Variants in ZFHX3 observed in about 807,000 individuals in gnomAD.
ZFHX3 encodes the protein zinc finger homeobox protein 3.
A neutral mutation model predicts 279.1 loss-of-function variants in ZFHX3; 42 were observed. The ratio of observed to expected loss-of-function variants is 0.15; its 90% CI spans 0.12 to 0.19. The LOEUF is 0.19. ZFHX3 is among the 10% of genes least tolerant of loss of function. The pLI is 1.00. For synonymous variants in ZFHX3, 2,293 were observed against 1,957.8 expected (o/e 1.17, Z -4.52); for missense variants, 4,981 against 4,754.0 (o/e 1.05, Z -1.40).
intron 4 of ZFHX3, among the ~76,000 whole-genome samples, chr16:72,839,635 C>A (rs1469654489): frequency 6.6e-6 from 1 of 151,714 alleles, no homozygotes; most frequent in Non-Finnish European, 1.5e-5. Context: ...GCCCCACCCC[C>A]CCCAAAAAAA....
intron 2 of ZFHX3, among the ~76,000 whole-genome samples, chr16:73,533,044 G>A (rs184550532): frequency 2.6e-5 from 4 of 152,256 alleles, no homozygotes; most frequent in Non-Finnish European, 4.4e-5. Context: ...TCATAACAGC[G>A]TGAAAATGGA....
At chr16:73,621,467 TG>T in intron 2 of ZFHX3, among the ~76,000 whole-genome samples, 1 of 152,258 alleles carries the variant, frequency 6.6e-6, no homozygotes, top group South Asian at 2.1e-4. Context: ...TAGCAGAGGA[TG>T]GATTTAGGTC....
chr16:73,739,251 T>C (rs562048816), intron 1 of ZFHX3, among the ~76,000 whole-genome samples: 7 of 152,338 alleles, frequency 4.6e-5, no homozygotes, highest in African/African-American at 2.4e-5. Flanking sequence ...TAATTTTCTG[T>C]CTGGACTGTT....
intron 4 of ZFHX3, among the ~76,000 whole-genome samples, chr16:73,267,543 G>C (rs2014011435): frequency 6.6e-6 from 1 of 152,126 alleles, no homozygotes; most frequent in Admixed American, 6.5e-5. Flanking sequence ...TTATACAAAA[G>C]GGACGAGCCT....
At chr16:72,863,882 C>T (rs548384313) in intron 4 of ZFHX3, among the ~76,000 whole-genome samples, 16 of 152,110 alleles carry the variant, frequency 1.1e-4, no homozygotes, top group African/African-American at 2.7e-4. Context: ...TTTGGGAGGC[C>T]GAGGTGGGTG....
intron 2 of ZFHX3, among the ~76,000 whole-genome samples, chr16:73,634,089 T>C (rs1353036078): frequency 1.3e-5 from 2 of 152,112 alleles, no homozygotes; most frequent in African/African-American, 4.8e-5. Flanking sequence ...ACAAAATATA[T>C]TATCAAAGCA....
intron 3 of ZFHX3, among the ~76,000 whole-genome samples, chr16:73,448,444 T>C (rs751793884): frequency 7.2e-5 from 11 of 152,100 alleles, no homozygotes; most frequent in Non-Finnish European, 4.4e-5. Context: ...AATGTCATTA[T>C]AGAACTAATA....
At chr16:73,688,874 C>T (rs2053118730) in intron 1 of ZFHX3, among the ~76,000 whole-genome samples, 1 of 152,124 alleles carries the variant, frequency 6.6e-6, no homozygotes. Flanking sequence ...AGCTTCCCTG[C>T]ACCATTTCTC....
intron 4 of ZFHX3, among the ~76,000 whole-genome samples, chr16:73,272,360 C>T (rs142818110): frequency 6.6e-6 from 1 of 152,158 alleles, no homozygotes; most frequent in East Asian, 1.9e-4. Context: ...AAATCTGAGA[C>T]CTGTTAGTCT....
intron 1 of ZFHX3, among the ~76,000 whole-genome samples, chr16:73,759,799 AG>A (rs2053844730): frequency 6.6e-6 from 1 of 152,130 alleles, no homozygotes; most frequent in South Asian, 2.1e-4. Flanking sequence ...AGAATATCAA[AG>A]GGAGAACGAG....
intron 1 of ZFHX3, among the ~76,000 whole-genome samples, chr16:73,850,394 T>A (rs1961564998): frequency 6.6e-6 from 1 of 152,168 alleles, no homozygotes; most frequent in Non-Finnish European, 1.5e-5. Context: ...GCTTGCTGGA[T>A]TTTGGTGGGA....
At chr16:73,122,627 TC>T (rs1567393795) in intron 7 of ZFHX3, among the ~76,000 whole-genome samples, 1 of 152,130 alleles carries the variant, frequency 6.6e-6, no homozygotes, top group Non-Finnish European at 1.5e-5. Flanking sequence ...ATCAGGGGAT[TC>T]CCTGTAGACA....
At chr16:73,581,794 C>T (rs2051864669) in intron 2 of ZFHX3, among the ~76,000 whole-genome samples, 1 of 151,016 alleles carries the variant, frequency 6.6e-6, no homozygotes, top group East Asian at 2.0e-4. Context: ...TCTCAGCCTC[C>T]CAAGTAGCTG....
At chr16:73,348,643 G>A (rs1399010143) in intron 3 of ZFHX3, among the ~76,000 whole-genome samples, 1 of 152,202 alleles carries the variant, frequency 6.6e-6, no homozygotes, top group Non-Finnish European at 1.5e-5. Context: ...TCTGCACACG[G>A]TGCAATTAGC....
chr16:73,461,644 C>T (rs901102083), intron 2 of ZFHX3, among the ~76,000 whole-genome samples: 6 of 152,212 alleles, frequency 3.9e-5, no homozygotes, highest in Non-Finnish European at 8.8e-5. Context: ...GAAAGGCTAG[C>T]TTTCCTCCAC....
chr16:73,868,487 G>A (rs578107533), intron 1 of ZFHX3, among the ~76,000 whole-genome samples: 59 of 152,362 alleles, frequency 3.9e-4, no homozygotes, highest in African/African-American at 1.3e-3. Flanking sequence ...TCACGCCACT[G>A]CACTCCAGCC....
At chr16:73,428,614 G>T (rs1013717524) in intron 3 of ZFHX3, among the ~76,000 whole-genome samples, 1 of 152,070 alleles carries the variant, frequency 6.6e-6, no homozygotes, top group Admixed American at 6.6e-5. Flanking sequence ...CAAATGCAGG[G>T]TCATGTCCAT....
At chr16:72,989,423 A>C (rs906732781) in intron 1 of ZFHX3, among the ~76,000 whole-genome samples, 4 of 151,490 alleles carry the variant, frequency 2.6e-5, no homozygotes, top group African/African-American at 9.7e-5. Flanking sequence ...TGGAAGTTGC[A>C]GTGGGCCAAG....
Position 73,693,648 on chromosome 16 carries a change from A to G in ZFHX3, c.-1607-13408T>C, listed in dbSNP as rs137934060. On this transcript the variant is annotated intron_variant, in intron 1 of 17. Transcript: ENST00000641206. ...AGGGCTTAGCACTGGCCTCTGTCTC[A>G]TAAGCACAAACTCGGGTTCTTAGAG... Among the ~76,000 whole-genome samples the G allele has an allele frequency of 2.4e-4, 37 of 152,324 alleles. No individual in the cohort carries two copies. The East Asian group carries it at 6.6e-3, about 27-fold the overall frequency.
Sources: allele counts gnomAD v4.1 joint callset (sites outside exome capture counted in the v4.1 genomes callset), GRCh38; gene constraint gnomAD v4.1.1; transcripts MANE v1.5; gene names NCBI Gene and HGNC (gene_info 2026-07-23, HGNC 2026-07-21).